The following CLN8 variants were observed in gnomAD, a reference collection of about 807,000 sequenced individuals.
CLN8 encodes protein CLN8.
CLN8 carries 14 observed loss-of-function variants against 15.7 expected under a neutral mutation model. The ratio of observed to expected loss-of-function variants is 0.89; its 90% CI spans 0.59 to 1.39. The LOEUF (loss-of-function observed/expected upper bound fraction) is 1.39. Ranked by LOEUF, CLN8 falls within the 40% of genes most tolerant of loss-of-function variation. The probability of loss-of-function intolerance (pLI) is 0.00; values close to 1 mark genes in which losing one functional copy is unlikely to be tolerated. For synonymous variants in CLN8, 188 were observed against 151.0 expected, an observed-to-expected ratio of 1.25 and a Z score of -1.80; for missense variants, 415 against 364.0, an observed-to-expected ratio of 1.14 and a Z score of -1.14.
chr8:1,763,913 GC>G (rs1800925770), intron 1 of CLN8, 28 bp downstream of exon 1: 1 of 152,490 alleles, frequency 6.6e-6, no homozygotes, highest in African/African-American at 2.4e-5. Context: ...CCGGGTGAGG[GC>G]CGGGAACCCA....
intron 2 of CLN8, among the ~76,000 whole-genome samples, chr8:1,776,216 T>A (rs967954778): frequency 7.9e-5 from 12 of 152,008 alleles, no homozygotes; most frequent in Non-Finnish European, 1.3e-4. Context: ...TACTTGCATG[T>A]GACTGTGCTT....
chr8:1,777,735 C>T (rs527673369), intron 2 of CLN8, among the ~76,000 whole-genome samples: 3 of 152,298 alleles, frequency 2.0e-5, no homozygotes, highest in Non-Finnish European at 4.4e-5. Flanking sequence ...ACTGGAGAGA[C>T]TTCAGGGGCA....
chr8:1,771,469 C>A lies in CLN8; in HGVS notation c.415C>A (p.His139Asn). The A allele has an allele frequency of 6.2e-7, 1 of 1,614,214 alleles. No individual in the cohort carries two copies. The highest frequency in any genetic ancestry group is 1.3e-5 in the African/African-American group (1 of 75,050). The change falls in exon 2 of 3, where the codon CAT (histidine) becomes AAT (asparagine). Residue 139 changes from histidine to asparagine, a missense_variant. His to Asn is a moderately conservative substitution (Grantham distance 68). Transcript: ENST00000331222. ...RTFDLFLVIH[H>N]LFAFLGFLGC... The stretch of plus-strand genomic sequence containing the variant: ...ATTTGACTTGTTTCTGGTTATCCAC[C>A]ATCTCTTTGCCTTTCTTGGGTTTCT...
chr8:1,761,207 G>C (rs929751237), upstream of CLN8, among the ~76,000 whole-genome samples: 5 of 151,830 alleles, frequency 3.3e-5, no homozygotes, highest in Admixed American at 2.0e-4. Flanking sequence ...ACACAGAGCT[G>C]ATTTATCCAA....
intron 2 of CLN8, among the ~76,000 whole-genome samples, chr8:1,772,342 G>A (rs1470583013): frequency 6.6e-6 from 1 of 152,090 alleles, no homozygotes; most frequent in African/African-American, 2.4e-5. Context: ...AGAAGTGTTG[G>A]GACCTAGCAT....
At chr8:1,769,032 G>A in intron 1 of CLN8, among the ~76,000 whole-genome samples, 2 of 152,192 alleles carry the variant, frequency 1.3e-5, no homozygotes, top group East Asian at 3.9e-4. Flanking sequence ...GGGGCAGCAT[G>A]ACACGGGAGC....
chr8:1,781,097 G>C lies in CLN8; in HGVS notation c.*530G>C, dbSNP rs950936896. On this transcript the variant is annotated 3_prime_UTR_variant, in exon 3 of 3. Transcript: ENST00000331222. ...AAGCTGGGTGGGGTGGCTCACACCC[G>C]ACGTAATCCCAGCACGTTGGGAGGC... 1.3e-5 allele frequency: 2 copies of C among 155,476 alleles called. No homozygotes were observed. Among genetic ancestry groups the C allele is most frequent in the Non-Finnish European group, 2.8e-5 (2 of 70,210 alleles). The allele number at this position is 155,476 out of a possible 1,614,324, so 9.6% of individuals were successfully genotyped here.
upstream of CLN8, among the ~76,000 whole-genome samples, chr8:1,754,856 C>G (rs949386509): frequency 4.6e-5 from 7 of 152,184 alleles, no homozygotes; most frequent in African/African-American, 1.7e-4. Flanking sequence ...ACCTGGTGCC[C>G]TGGGGTCAAA....
rs550844334 is a variant in CLN8, at chr8:1,783,889, C to T, written c.*3322C>T. On this transcript the variant is annotated 3_prime_UTR_variant, in exon 3 of 3. Transcript: ENST00000331222. ...TGCCTGCCTTGGGCGCAGCCTCCGG[C>T]GCCAGAGCTGGGCTCTTCAACACGG... 14 of 152,302 alleles carry T rather than the reference C, an allele frequency of 9.2e-5. No individual in the cohort carries two copies. Among genetic ancestry groups the T allele is most frequent in the African/African-American group, 2.9e-4 (12 of 41,552 alleles). The allele number at this position is 152,302 out of a possible 1,614,324, so 9.4% of individuals were successfully genotyped here.
intron 1 of CLN8, among the ~76,000 whole-genome samples, chr8:1,765,838 TA>T (rs1801030192): frequency 6.6e-6 from 1 of 152,252 alleles, no homozygotes; most frequent in South Asian, 2.1e-4. Context: ...GTAAATAGTT[TA>T]GTTATTTCTC....
At chr8:1,757,569 T>C (rs1800701248) in intron 1 of CLN8, among the ~76,000 whole-genome samples, 1 of 152,136 alleles carries the variant, frequency 6.6e-6, no homozygotes, top group South Asian at 2.1e-4. Flanking sequence ...GCCTCCCAAA[T>C]TGCTGGAATT....
At chr8:1,759,799 C>T (rs946675088), upstream of CLN8, 2 of 152,160 alleles carry the variant, frequency 1.3e-5, no homozygotes, top group African/African-American at 4.8e-5. Context: ...TCCTGCTCTC[C>T]CACTCACAGA....
chr8:1,764,741 C>T (rs932767630), intron 1 of CLN8: 1 of 152,598 alleles, frequency 6.6e-6, no homozygotes, highest in African/African-American at 2.4e-5. Context: ...TAGCCAGCTG[C>T]TCTAGGTTGG....
upstream of CLN8, among the ~76,000 whole-genome samples, chr8:1,753,423 T>A (rs1800597482): frequency 6.6e-6 from 1 of 151,554 alleles, no homozygotes; most frequent in Non-Finnish European, 1.5e-5. Context: ...ATACAAAAAT[T>A]AGCCAGGCAT....
chr8:1,762,484 G>C (rs1800823829), upstream of CLN8: 1 of 152,206 alleles, frequency 6.6e-6, no homozygotes, highest in African/African-American at 2.4e-5. Context: ...GCTGCTGGCA[G>C]TTCTCTGGCC....
chr8:1,777,067 C>T (rs572269313), intron 2 of CLN8, among the ~76,000 whole-genome samples: 56 of 152,214 alleles, frequency 3.7e-4, no homozygotes, highest in Non-Finnish European at 6.2e-4. Flanking sequence ...ATCGAGTGGC[C>T]GTCATAGAGT....
upstream of CLN8, chr8:1,760,325 C>T (rs143979076): frequency 2.9e-3 from 443 of 152,148 alleles, 5 homozygotes; most frequent in African/African-American, 0.01. Flanking sequence ...TTCGATCTGT[C>T]GAGGAAGGAG....
intron 2 of CLN8, among the ~76,000 whole-genome samples, chr8:1,775,013 AT>A (rs1203630550): frequency 6.6e-6 from 1 of 152,126 alleles, no homozygotes; most frequent in Non-Finnish European, 1.5e-5. Flanking sequence ...GTTTTTATAT[AT>A]TTTGTATATA....
rs535135944 is a variant in CLN8 at position 1,757,318 on chromosome 8, G to A, written c.-124+1236G>A. On this transcript the variant is annotated intron_variant, in intron 1 of 1. Transcript: ENST00000524258. ...ACCAAGGTCATGACAACCCAAAAAC[G>A]TCTCCAGACACTGCCAAATGTCCCC... Among the ~76,000 whole-genome samples, 5 of 152,320 alleles carry A rather than the reference G, an allele frequency of 3.3e-5. No homozygotes were observed. In the East Asian group the frequency reaches 5.8e-4, roughly 18 times the overall value.
Sources: allele counts gnomAD v4.1 joint callset (sites outside exome capture counted in the v4.1 genomes callset), GRCh38; gene constraint gnomAD v4.1.1; transcripts MANE v1.5; gene names NCBI Gene and HGNC (gene_info 2026-07-23, HGNC 2026-07-21).